The following CALN1 variants were observed in gnomAD, a reference collection of about 807,000 sequenced individuals.
CALN1 encodes calcium-binding protein 8.
A neutral mutation model predicts 30.6 loss-of-function variants in CALN1; 17 were observed. The ratio of observed to expected loss-of-function variants is 0.56; its 90% CI spans 0.38 to 0.83. The LOEUF is 0.83. CALN1 is among the 40% of genes least tolerant of loss of function. The probability of loss-of-function intolerance (pLI) is 0.00; values close to 1 mark genes in which losing one functional copy is unlikely to be tolerated. For missense variants in CALN1, 291 were observed against 354.9 expected, an observed-to-expected ratio of 0.82 and a Z score of 1.45; for synonymous variants, 156 against 131.4, an observed-to-expected ratio of 1.19 and a Z score of -1.28.
chr7:72,119,237 G>A (rs1316611691), intron 3 of CALN1, among the ~76,000 whole-genome samples: 1 of 152,240 alleles, frequency 6.6e-6, no homozygotes, highest in East Asian at 1.9e-4. Context: ...GTTCCACATG[G>A]CTGGGGAGGC....
chr7:72,142,620 G>A (rs879361430), intron 3 of CALN1, among the ~76,000 whole-genome samples: 1 of 152,214 alleles, frequency 6.6e-6, no homozygotes, highest in East Asian at 1.9e-4. Context: ...CATCTTGGAA[G>A]AGAGTAGTGG....
chr7:72,044,561 G>T (rs1201757194), intron 4 of CALN1, among the ~76,000 whole-genome samples: 3 of 146,328 alleles, frequency 2.1e-5, no homozygotes, highest in Non-Finnish European at 4.5e-5. Context: ...CGGTTGCAGG[G>T]TATTTTTTAA....
chr7:72,230,929 T>TA (rs1312198972), intron 3 of CALN1, among the ~76,000 whole-genome samples: 1 of 152,070 alleles, frequency 6.6e-6, no homozygotes. Context: ...ATTCCAGAAA[T>TA]AAAAAATTCA....
At chr7:72,271,104 A>G (rs778518436) in intron 3 of CALN1, among the ~76,000 whole-genome samples, 66 of 152,206 alleles carry the variant, frequency 4.3e-4, no homozygotes, top group Non-Finnish European at 8.5e-4. Flanking sequence ...ATTTCCTGGG[A>G]AAAATCCCAG....
At chr7:72,179,249 A>G (rs1789584433) in intron 3 of CALN1, among the ~76,000 whole-genome samples, 1 of 152,226 alleles carries the variant, frequency 6.6e-6, no homozygotes, top group African/African-American at 2.4e-5. Flanking sequence ...CTGAGAGGCT[A>G]AATAAGTTTC....
chr7:71,875,664 A>G (rs1350315147), intron 5 of CALN1, among the ~76,000 whole-genome samples: 1 of 152,170 alleles, frequency 6.6e-6, no homozygotes, highest in African/African-American at 2.4e-5. Flanking sequence ...GGAGCTATGT[A>G]TCTGGAGAAT....
chr7:72,225,487 G>C (rs1585208610), intron 3 of CALN1, among the ~76,000 whole-genome samples: 1 of 152,032 alleles, frequency 6.6e-6, no homozygotes, highest in Non-Finnish European at 1.5e-5. Context: ...AAAAGGAGTG[G>C]CCAATGGGGA....
chr7:72,119,591 C>G (rs950827201), intron 3 of CALN1, among the ~76,000 whole-genome samples: 4 of 151,228 alleles, frequency 2.6e-5, no homozygotes, highest in Non-Finnish European at 4.4e-5. Flanking sequence ...TAAAGACATA[C>G]CCAAGACTGG....
chr7:72,185,706 G>A (rs1336687799), intron 3 of CALN1, among the ~76,000 whole-genome samples: 1 of 152,098 alleles, frequency 6.6e-6, no homozygotes, highest in Admixed American at 6.6e-5. Context: ...TTGAATCATG[G>A]GGGCGGTTTT....
rs151159419 is a variant in CALN1, at chr7:71,913,436, T to C, written c.502-102944A>G. On this transcript the variant is annotated intron_variant, in intron 5 of 6. Transcript: ENST00000395275. ...ATATTTCAGCCGAGGAGATGAACAG[T>C]GCTCATTGTAGGTACTAACTATAGA... Among the ~76,000 whole-genome samples the C allele has an allele frequency of 3.5e-3, 534 of 152,334 alleles. 1 individual carries two copies. The highest frequency in any genetic ancestry group is 0.012 in the African/African-American group (502 of 41,584).
At chr7:72,292,659 A>G (rs960173629) in intron 2 of CALN1, among the ~76,000 whole-genome samples, 3 of 151,128 alleles carry the variant, frequency 2.0e-5, no homozygotes, top group Non-Finnish European at 2.9e-5. Flanking sequence ...TGTCTCTACT[A>G]AAAATATAAA....
At chr7:71,845,638 C>T (rs1790185106) in intron 5 of CALN1, among the ~76,000 whole-genome samples, 1 of 152,178 alleles carries the variant, frequency 6.6e-6, no homozygotes. Flanking sequence ...GGCTGGGGAA[C>T]TTGTTAGAAA....
intron 4 of CALN1, among the ~76,000 whole-genome samples, chr7:72,087,593 G>C (rs1404055955): frequency 2.0e-5 from 3 of 152,174 alleles, no homozygotes; most frequent in Non-Finnish European, 4.4e-5. Flanking sequence ...TAATTCCACA[G>C]AGAGGAGAAA....
At chr7:72,393,080 G>C (rs1328224414) in intron 2 of CALN1, among the ~76,000 whole-genome samples, 2 of 152,056 alleles carry the variant, frequency 1.3e-5, no homozygotes, top group African/African-American at 2.4e-5. Context: ...TTCCATGAAA[G>C]GGTTTCTAAT....
intron 5 of CALN1, among the ~76,000 whole-genome samples, chr7:71,947,262 C>A (rs867588695): frequency 6.6e-6 from 1 of 152,132 alleles, no homozygotes; most frequent in African/African-American, 2.4e-5. Flanking sequence ...CTGCCCACCT[C>A]GGCCTCCCGA....
chr7:71,783,537 G>C lies in CALN1; in HGVS notation c.*4238C>G, dbSNP rs916150045. ...AAGGACACAGTAAACACAGATCCCA[G>C]GACATGTGACCACACGTGGCCAGGC... On this transcript the variant is annotated 3_prime_UTR_variant, in exon 7 of 7. Coordinates refer to ENST00000395275, the MANE Select transcript of CALN1 (RefSeq NM_031468.4). The C allele has an allele frequency of 6.6e-6, 1 of 152,508 alleles. No individual in the cohort carries two copies. Among genetic ancestry groups the C allele is most frequent in the Non-Finnish European group, 1.5e-5 (1 of 68,098 alleles). The allele number at this position is 152,508 out of a possible 1,614,324, so 9.4% of individuals were successfully genotyped here. A position where few individuals can be genotyped will look rare whatever the true frequency, so the allele number is the denominator to read the frequency against.
At chr7:72,069,574 T>C (rs956093412) in intron 4 of CALN1, among the ~76,000 whole-genome samples, 1 of 152,120 alleles carries the variant, frequency 6.6e-6, no homozygotes, top group Non-Finnish European at 1.5e-5. Context: ...AGGCCTTCTT[T>C]TCTCTGTGTG....
chr7:72,384,847 T>C (rs978239791), intron 2 of CALN1, among the ~76,000 whole-genome samples: 1 of 152,016 alleles, frequency 6.6e-6, no homozygotes, highest in Non-Finnish European at 1.5e-5. Flanking sequence ...AAAGATACTT[T>C]TAAGAGAATG....
chr7:72,290,966 C>T (rs1260921391), intron 2 of CALN1, among the ~76,000 whole-genome samples: 2 of 151,160 alleles, frequency 1.3e-5, no homozygotes, highest in African/African-American at 2.4e-5. Flanking sequence ...CTCTGTCATC[C>T]AGGCTGGAGT....
Sources: allele counts gnomAD v4.1 joint callset (sites outside exome capture counted in the v4.1 genomes callset), GRCh38; gene constraint gnomAD v4.1.1; transcripts MANE v1.5; gene names NCBI Gene and HGNC (gene_info 2026-07-23, HGNC 2026-07-21).